ST13: variants seen among roughly 807,000 people sequenced by gnomAD.
The protein encoded by ST13 is ST13 Hsp70 interacting protein.
A neutral mutation model predicts 56.7 loss-of-function variants in ST13; 23 were observed. That is an observed-to-expected ratio of 0.41 (90% CI 0.29 to 0.57). ST13 has a LOEUF of 0.57. ST13 is among the 20% of genes least tolerant of loss of function. The probability of loss-of-function intolerance (pLI) is 0.36; values close to 1 mark genes in which losing one functional copy is unlikely to be tolerated. For missense variants in ST13, 369 were observed against 459.9 expected, an observed-to-expected ratio of 0.80 and a Z score of 1.81; for synonymous variants, 132 against 142.4, an observed-to-expected ratio of 0.93 and a Z score of 0.52.
In ST13 at chr22:40,840,601, G is replaced by C. The variant is rs191023671; in HGVS notation, c.382+25C>G. The C allele has an allele frequency of 3.9e-4, 624 of 1,599,120 alleles. 2 individuals carry two copies. Among genetic ancestry groups the C allele is most frequent in the South Asian group, 1.9e-3 (170 of 89,376 alleles). On this transcript the variant is annotated intron_variant, in intron 5 of 11. Transcript: ENST00000216218. ...TGCAATAAATATTCTGACTACCATAGAAATGTAGCAAAAAGATTACTCACC... is the reference window on the plus strand; with the variant it reads ...TGCAATAAATATTCTGACTACCATACAAATGTAGCAAAAAGATTACTCACC...
In ST13 at chr22:40,827,210, C is replaced by T; in HGVS notation, c.867G>A (p.Met289Ile). 1.2e-6 allele frequency: 2 copies of T among 1,613,638 alleles called. No homozygotes were observed. The highest frequency in any genetic ancestry group is 1.3e-5 in the African/African-American group (1 of 75,040). Residue 289 changes from methionine (M) to isoleucine (I), a missense_variant, in exon 11 of 12, where the codon ATG becomes ATA. Physicochemically the swap from Met to Ile is conservative, Grantham distance 10 (BLOSUM62 1). Around this residue, in one of 3 missense-constraint regions of ST13, gnomAD observed 136 missense variants for 159.2 expected, o/e 0.85. Transcript: ENST00000216218. ...GSFPGGFPGGMPGNFPGGMPG... is the reference protein window; with the variant it reads ...GSFPGGFPGGIPGNFPGGMPG... Reference sequence around the variant, plus strand: ...GCATTCCTCCGGGAAAATTACCAGGCATTCCCCCAGGAAAGCCACCTGTAA... The same window carrying T: ...GCATTCCTCCGGGAAAATTACCAGGTATTCCCCCAGGAAAGCCACCTGTAA...
At chr22:40,840,955 C>T (rs1449546122) in intron 4 of ST13, among the ~76,000 whole-genome samples, 5 of 152,122 alleles carry the variant, frequency 3.3e-5, no homozygotes, top group Non-Finnish European at 7.3e-5. Flanking sequence ...CCAAAGCATA[C>T]CAGCTCCTAC....
At chr22:40,829,289 T>G (rs192356242) in intron 10 of ST13, among the ~76,000 whole-genome samples, 1 of 152,294 alleles carries the variant, frequency 6.6e-6, no homozygotes, top group Non-Finnish European at 1.5e-5. Context: ...TTTATATAAA[T>G]TCCACACTGT....
In ST13 at chr22:40,848,372, A is replaced by G; in HGVS notation, c.169-3T>C. On this transcript the variant is annotated splice_polypyrimidine_tract_variant and splice_region_variant and intron_variant, in intron 2 of 11. Coordinates refer to ENST00000216218, the MANE Select transcript of ST13 (RefSeq NM_003932.5). ...TTCTTACTATCAGGTTTTTCTTCCT[A>G]GCAAAGGGAAGACAAACAGTACTAT... The G allele has an allele frequency of 4.4e-6, 7 of 1,596,262 alleles. No individual in the cohort carries two copies. Among genetic ancestry groups the G allele is most frequent in the Non-Finnish European group, 6.0e-6 (7 of 1,165,070 alleles).
At chr22:40,840,559 A>C in intron 5 of ST13, 67 bp downstream of exon 5, 1 of 1,380,552 alleles carries the variant, frequency 7.2e-7, no homozygotes, top group Non-Finnish European at 1.0e-6. Flanking sequence ...CTTCTACTTT[A>C]CCACTATTTA....
intron 10 of ST13, among the ~76,000 whole-genome samples, chr22:40,827,624 C>G (rs747436408): frequency 1.5e-4 from 23 of 151,912 alleles, no homozygotes; most frequent in Non-Finnish European, 3.4e-4. Flanking sequence ...ACTACAGGCA[C>G]GCACCACTAT....
intron 10 of ST13, 79 bp downstream of exon 10, chr22:40,829,545 CTT>C: frequency 1.5e-6 from 1 of 663,558 alleles, no homozygotes; most frequent in Non-Finnish European, 2.2e-6. Context: ...CAGAATATCA[CTT>C]TATAATAAAT....
intron 4 of ST13, among the ~76,000 whole-genome samples, chr22:40,844,559 G>C (rs2057821371): frequency 6.6e-6 from 1 of 152,086 alleles, no homozygotes; most frequent in African/African-American, 2.4e-5. Flanking sequence ...ATTCCATCAA[G>C]AGCAACTCCA....
At chr22:40,833,013 T>C (rs1332822366) in intron 7 of ST13, among the ~76,000 whole-genome samples, 2 of 152,196 alleles carry the variant, frequency 1.3e-5, no homozygotes, top group African/African-American at 2.4e-5. Flanking sequence ...AGCTTTTAGC[T>C]ACCTTCTATG....
chr22:40,850,768 C>CT (rs1050179640), intron 2 of ST13, 55 bp downstream of exon 2: 85 of 1,387,666 alleles, frequency 6.1e-5, no homozygotes, highest in Non-Finnish European at 7.9e-5. Flanking sequence ...AAAACAACCC[C>CT]TAAGAAATCT....
intron 8 of ST13, among the ~76,000 whole-genome samples, chr22:40,831,853 G>A (rs2057755303): frequency 6.6e-6 from 1 of 152,056 alleles, no homozygotes; most frequent in Admixed American, 6.6e-5. Flanking sequence ...TTAAAAGATT[G>A]AAACTTCTTT....
chr22:40,836,149 A>T (rs575601031), intron 5 of ST13, among the ~76,000 whole-genome samples: 1 of 152,242 alleles, frequency 6.6e-6, no homozygotes, highest in South Asian at 2.1e-4. Flanking sequence ...ACCCATATTG[A>T]TCTTGTTTAA....
chr22:40,838,453 T>C (rs1186745000), intron 5 of ST13, among the ~76,000 whole-genome samples: 1 of 152,096 alleles, frequency 6.6e-6, no homozygotes. Context: ...TTGTTACATA[T>C]TGCCGAGACA....
intron 7 of ST13, among the ~76,000 whole-genome samples, chr22:40,833,762 T>C (rs944619529): frequency 3.1e-4 from 47 of 151,610 alleles, no homozygotes; most frequent in African/African-American, 1.1e-3. Context: ...TCCCAGCTAC[T>C]TGGGAGGCTG....
intron 1 of ST13, among the ~76,000 whole-genome samples, chr22:40,855,625 G>A (rs1007409181): frequency 2.0e-5 from 3 of 151,624 alleles, no homozygotes; most frequent in Admixed American, 2.0e-4. Flanking sequence ...TTTTCTCTTC[G>A]GTGCTCCTTC....
intron 5 of ST13, among the ~76,000 whole-genome samples, chr22:40,837,199 A>T (rs570178398): frequency 2.6e-5 from 4 of 152,364 alleles, no homozygotes; most frequent in African/African-American, 9.6e-5. Flanking sequence ...GAACTCACAA[A>T]AACAACACAG....
Position 40,856,595 on chromosome 22 carries a change from G to T in ST13, c.-55C>A. The T allele has an allele frequency of 6.7e-7, 1 of 1,488,186 alleles. No homozygotes were observed. The highest frequency in any genetic ancestry group is 9.4e-7 in the Non-Finnish European group (1 of 1,069,292). 92.2% of individuals were successfully genotyped at this position (1,488,186 alleles called of 1,614,324 possible). A position where few individuals can be genotyped will look rare whatever the true frequency, so the allele number is the denominator to read the frequency against. On this transcript the variant is annotated 5_prime_UTR_variant, in exon 1 of 12. Coordinates refer to ENST00000216218, the MANE Select transcript of ST13 (RefSeq NM_003932.5). The stretch of plus-strand genomic sequence containing the variant: ...GGCTACGGCCCGGTTCCAGGCCCAG[G>T]CGCTGGCTCGGCGTGACCGCGCAGA...
chr22:40,846,938 T>C lies in ST13; in HGVS notation c.244+1356A>G, dbSNP rs972504284. 4.6e-5 allele frequency among the ~76,000 whole-genome samples: 7 copies of C among 152,032 alleles called. No individual in the cohort carries two copies. The East Asian group carries it at 5.8e-4, about 13-fold the overall frequency. On this transcript the variant is annotated intron_variant, in intron 3 of 11. Coordinates refer to ENST00000216218, the MANE Select transcript of ST13 (RefSeq NM_003932.5). ...TGAACCCAGGAGGGAGAGGTTGCAGTGAGCCGAAACTGTGCCACCACACTC... is the reference window on the plus strand; with the variant it reads ...TGAACCCAGGAGGGAGAGGTTGCAGCGAGCCGAAACTGTGCCACCACACTC...
chr22:40,855,080 T>C (rs1236770561), intron 1 of ST13, among the ~76,000 whole-genome samples: 1 of 152,210 alleles, frequency 6.6e-6, no homozygotes, highest in Non-Finnish European at 1.5e-5. Flanking sequence ...TGACAGATTG[T>C]AACGAGTTTT....
Sources: allele counts gnomAD v4.1 joint callset (sites outside exome capture counted in the v4.1 genomes callset), GRCh38; gene constraint gnomAD v4.1.1; regional missense constraint gnomAD v4.1.1; transcripts MANE v1.5; gene names NCBI Gene and HGNC (gene_info 2026-07-23, HGNC 2026-07-21).